The following WDR25 variants were observed in gnomAD, a reference collection of about 807,000 sequenced individuals.
WDR25 encodes the protein WD repeat-containing protein 25.
In WDR25, 35 loss-of-function variants were observed where a neutral mutation model predicts 47.7. That is an observed-to-expected ratio of 0.73 (90% CI 0.56 to 0.97). The LOEUF (loss-of-function observed/expected upper bound fraction) is 0.97. Ranked by LOEUF, WDR25 falls within the 50% of genes least tolerant of loss-of-function variation. WDR25 has a pLI of 0.00. For synonymous variants in WDR25, 248 were observed against 278.9 expected (o/e 0.89, Z 1.10); for missense variants, 634 against 704.7 (o/e 0.90, Z 1.14).
chr14:100,468,123 A>G lies in WDR25; in HGVS notation c.925A>G (p.Ser309Gly). The G allele has an allele frequency of 6.2e-7, 1 of 1,613,614 alleles. No individual in the cohort carries two copies. Among genetic ancestry groups the G allele is most frequent in the South Asian group, 1.1e-5 (1 of 91,062 alleles). Residue 309 changes from serine (S) to glycine (G), a missense_variant, in exon 3 of 7, where the codon AGT (serine) becomes GGT (glycine). Ser to Gly is a moderately conservative substitution (Grantham distance 56). Coordinates refer to ENST00000402312, the MANE Select transcript of WDR25 (RefSeq NM_001161476.3). The surrounding 1 kb of genome is among the most constrained non-coding windows in gnomAD (Gnocchi z 4.5). ...RWAPCGRRIL[S>G]GGFDFALHLT... The stretch of plus-strand genomic sequence containing the variant: ...GGCTCCCTGTGGCCGGCGCATCCTC[A>G]GTGGTGGCTTTGACTTCGCGCTGCA...
At chr14:100,388,272 G>T (rs905192384) in intron 2 of WDR25, among the ~76,000 whole-genome samples, 7 of 152,208 alleles carry the variant, frequency 4.6e-5, no homozygotes, top group Non-Finnish European at 5.9e-5. Flanking sequence ...GATTAACAGT[G>T]CATCCAGGGT....
intron 2 of WDR25, among the ~76,000 whole-genome samples, chr14:100,462,002 G>A (rs74483338): frequency 0.06 from 9,073 of 151,964 alleles, 659 homozygotes; most frequent in African/African-American, 0.18. Flanking sequence ...GTTTCCTTTG[G>A]GATTTTGTTT....
chr14:100,486,160 A>C (rs1053887525), intron 4 of WDR25, among the ~76,000 whole-genome samples: 4 of 152,140 alleles, frequency 2.6e-5, no homozygotes, highest in Admixed American at 1.3e-4. Context: ...TACCGTTTGA[A>C]GTGGGACCTC....
At chr14:100,421,822 C>T (rs1379597154) in intron 2 of WDR25, among the ~76,000 whole-genome samples, 2 of 152,032 alleles carry the variant, frequency 1.3e-5, no homozygotes, top group African/African-American at 4.8e-5. Flanking sequence ...TGGTTTTTTG[C>T]AATTTGCAAA....
At chr14:100,483,457 C>T (rs544692954) in intron 3 of WDR25, among the ~76,000 whole-genome samples, 17 of 152,256 alleles carry the variant, frequency 1.1e-4, no homozygotes, top group African/African-American at 3.9e-4. Flanking sequence ...TCTCATTTAT[C>T]GCCCAGCATC....
At chr14:100,413,485 C>T (rs1249913093) in intron 2 of WDR25, among the ~76,000 whole-genome samples, 1 of 151,558 alleles carries the variant, frequency 6.6e-6, no homozygotes, top group Non-Finnish European at 1.5e-5. Flanking sequence ...ACGATCTCGG[C>T]TCACTGCGAC....
Position 100,407,133 on chromosome 14 carries a change from A to G in WDR25, c.822+25387A>G, listed in dbSNP as rs1301963430. 6.6e-6 allele frequency: 1 copy of G among 152,262 alleles called. No homozygotes were observed. Among genetic ancestry groups the G allele is most frequent in the East Asian group, 1.9e-4 (1 of 5,200 alleles). 9.4% of individuals were successfully genotyped at this position (152,262 alleles called of 1,614,324 possible). ...CAATGCCTGGGCTGAGCCTGCGGTT[A>G]ACATCTTAATAGTAACCGGAGAGTT... On this transcript the variant is annotated intron_variant, in intron 2 of 6. Transcript: ENST00000402312. This position sits in a 1 kb window ranked among gnomAD's most constrained non-coding sequence, Gnocchi z 4.1.
At position 100,381,375 on chromosome 14, in the gene WDR25, C is replaced by G; in HGVS notation, c.451C>G (p.Gln151Glu). ...RNFPKSSFHAQSESETVGKNG... is the reference protein window; with the variant it reads ...RNFPKSSFHAESESETVGKNG... ...CTTTCCCAAGTCATCTTTCCATGCT[C>G]AAAGTGAGTCTGAAACCGTAGGTAA... The change falls in exon 2 of 7, where the codon CAA becomes GAA. Residue 151 changes from glutamine (Q) to glutamate (E), a missense_variant. Transcript: ENST00000402312. 1 of 1,614,210 alleles carries G rather than the reference C, an allele frequency of 6.2e-7. No individual in the cohort carries two copies. Among genetic ancestry groups the G allele is most frequent in the Non-Finnish European group, 8.5e-7 (1 of 1,180,032 alleles).
At chr14:100,481,001 A>G in intron 3 of WDR25, 1 of 438,348 alleles carries the variant, frequency 2.3e-6, no homozygotes, top group East Asian at 7.0e-5. Context: ...GGAAGAGCCC[A>G]AGAGGAGACT....
At chr14:100,486,648 A>G (rs1900394037) in intron 4 of WDR25, among the ~76,000 whole-genome samples, 2 of 152,132 alleles carry the variant, frequency 1.3e-5, no homozygotes, top group African/African-American at 2.4e-5. Context: ...GGGGCTGCTC[A>G]CTTCTTATCC....
rs1008033428 is a variant in WDR25, at chr14:100,454,553, G to T, written c.823-13468G>T. 4 of 840,558 alleles carry T rather than the reference G, an allele frequency of 4.8e-6. No homozygotes were observed. The Admixed American group carries it at 7.1e-5, about 15-fold the overall frequency. 52.1% of individuals were successfully genotyped at this position (840,558 alleles called of 1,614,324 possible). ...ACAACAAAACTACCTGAAGGTATTG[G>T]AGAGCAAAAAAAAGCAGGCAGAGAC... On this transcript the variant is annotated intron_variant, in intron 2 of 6. Coordinates refer to ENST00000402312, the MANE Select transcript of WDR25 (RefSeq NM_001161476.3).
intron 4 of WDR25, among the ~76,000 whole-genome samples, chr14:100,522,849 G>T (rs962715367): frequency 3.9e-5 from 6 of 152,228 alleles, no homozygotes; most frequent in African/African-American, 1.4e-4. Context: ...AGGGCCAGGA[G>T]AGGCCCCACC....
At chr14:100,431,779 G>C (rs534657513) in intron 2 of WDR25, among the ~76,000 whole-genome samples, 1 of 148,424 alleles carries the variant, frequency 6.7e-6, no homozygotes, top group Non-Finnish European at 1.5e-5. Context: ...GCATGATCTC[G>C]GCTCACTGCA....
intron 3 of WDR25, among the ~76,000 whole-genome samples, chr14:100,474,536 G>A (rs932608477): frequency 6.6e-6 from 1 of 152,230 alleles, no homozygotes; most frequent in Non-Finnish European, 1.5e-5. Flanking sequence ...TGCCATTATT[G>A]ACTGACTCTG....
In WDR25 at chr14:100,490,271, G is replaced by A. The variant is rs1242981518; in HGVS notation, c.1101+6147G>A. Among the ~76,000 whole-genome samples the A allele has an allele frequency of 4.6e-5, 7 of 152,308 alleles. No individual in the cohort carries two copies. The East Asian group carries it at 1.2e-3, about 25-fold the overall frequency. On this transcript the variant is annotated intron_variant, in intron 4 of 6. Transcript: ENST00000402312. The stretch of plus-strand genomic sequence containing the variant: ...TGGTATTCCCAGCATCCAGCATAGT[G>A]CTAAGCACATAGTAGGGAGGGAGGG...
intron 4 of WDR25, among the ~76,000 whole-genome samples, chr14:100,486,202 C>T (rs1900376799): frequency 6.6e-6 from 1 of 152,206 alleles, no homozygotes; most frequent in African/African-American, 2.4e-5. Flanking sequence ...ACAACCACGT[C>T]CCTTATGGGT....
intron 2 of WDR25, among the ~76,000 whole-genome samples, chr14:100,420,826 A>G (rs1043691174): frequency 2.6e-5 from 4 of 152,022 alleles, no homozygotes; most frequent in African/African-American, 9.7e-5. Flanking sequence ...GGAACAGGAG[A>G]CTTGAGAGAG....
rs1001514380 is a variant in WDR25, at chr14:100,506,483, C to A, written c.1102-19387C>A. On this transcript the variant is annotated intron_variant, in intron 4 of 6. Coordinates refer to ENST00000402312, the MANE Select transcript of WDR25 (RefSeq NM_001161476.3). This position sits in a 1 kb window ranked among gnomAD's most constrained non-coding sequence, Gnocchi z 4.8. ...TACTGTTTTATGTTCTTTGAGAAAC[C>A]TCCAAACTGCTTTCCACAATGGCTG... Among the ~76,000 whole-genome samples the A allele has an allele frequency of 6.6e-6, 1 of 152,144 alleles. No homozygotes were observed. The highest frequency in any genetic ancestry group is 1.5e-5 in the Non-Finnish European group (1 of 68,020).
rs192678920 is a variant in WDR25, at chr14:100,439,082, C to T, written c.823-28939C>T. 9.1e-4 allele frequency among the ~76,000 whole-genome samples: 139 copies of T among 152,286 alleles called. 1 individual carries two copies. Among genetic ancestry groups the T allele is most frequent in the African/African-American group, 3.2e-3 (133 of 41,576 alleles). On this transcript the variant is annotated intron_variant, in intron 2 of 6. Coordinates refer to ENST00000402312, the MANE Select transcript of WDR25 (RefSeq NM_001161476.3). ...GGGAGTGGGGCTGGGCATCAGTTGC[C>T]CAGGTACTTCCTAGCTCTATGCCCT...
Sources: allele counts gnomAD v4.1 joint callset (sites outside exome capture counted in the v4.1 genomes callset), GRCh38; gene constraint gnomAD v4.1.1; non-coding constraint Gnocchi (gnomAD v3.1); transcripts MANE v1.5; gene names NCBI Gene and HGNC (gene_info 2026-07-23, HGNC 2026-07-21).